The following PRXL2B variants were observed in gnomAD, a reference collection of about 807,000 sequenced individuals.
PRXL2B encodes the protein peroxiredoxin like 2B.
Under a neutral mutation model 24.4 loss-of-function variants are expected in PRXL2B, and 26 were observed. That is an observed-to-expected ratio of 1.07 (90% confidence interval 0.78 to 1.48). The LOEUF (loss-of-function observed/expected upper bound fraction) is 1.48, where lower values mean the gene tolerates loss of function less well. Ranked by LOEUF, PRXL2B falls within the 40% of genes most tolerant of loss-of-function variation. PRXL2B has a pLI of 0.00. For synonymous variants in PRXL2B, 115 were observed against 118.9 expected (o/e 0.97, Z 0.21); for missense variants, 269 against 264.8 (o/e 1.02, Z -0.11).
In PRXL2B at chr1:2,590,867, G is replaced by A; in HGVS notation, c.*1440G>A. ...ACCCTAGGCCAGGCGCAGAGGCCTG[G>A]CAGGCAGGCTTGGCATGGTTGGCCG... is the stretch of plus-strand genomic sequence containing the variant. On this transcript the variant is annotated 3_prime_UTR_variant, in exon 7 of 7. Transcript: ENST00000419916. The A allele has an allele frequency of 1.4e-6, 1 of 723,636 alleles. No homozygotes were observed. Among genetic ancestry groups the A allele is most frequent in the Non-Finnish European group, 2.0e-6 (1 of 495,034 alleles). 44.8% of individuals were successfully genotyped at this position (723,636 alleles called of 1,614,324 possible). A position where few individuals can be genotyped will look rare whatever the true frequency, so the allele number is the denominator to read the frequency against.
chr1:2,590,275 C>G lies in PRXL2B; in HGVS notation c.*848C>G, dbSNP rs2100915232. 6.5e-6 allele frequency: 1 copy of G among 152,688 alleles called. No individual in the cohort carries two copies. Among genetic ancestry groups the G allele is most frequent in the East Asian group, 1.9e-4 (1 of 5,336 alleles). The allele number at this position is 152,688 out of a possible 1,614,324, so 9.5% of individuals were successfully genotyped here. A position where few individuals can be genotyped will look rare whatever the true frequency, so the allele number is the denominator to read the frequency against. ...CTCCCTTCCTGCCCCCAATGCCACCCTTGCAGTGGCCATTTAAAAATGCAT... is the reference window on the plus strand; with the variant it reads ...CTCCCTTCCTGCCCCCAATGCCACCGTTGCAGTGGCCATTTAAAAATGCAT... On this transcript the variant is annotated 3_prime_UTR_variant, in exon 7 of 7. Transcript: ENST00000419916.
In PRXL2B at chr1:2,586,801, C is replaced by A; in HGVS notation, c.-85C>A. Reference sequence around the variant, plus strand: ...CGGGGCTTGGGGCTGGATCTATGAGCCGGGAGCGGGGATCCAGGAGCGAGG... The same window carrying A: ...CGGGGCTTGGGGCTGGATCTATGAGACGGGAGCGGGGATCCAGGAGCGAGG... On this transcript the variant is annotated 5_prime_UTR_variant, in exon 1 of 7. Coordinates refer to ENST00000419916, the MANE Select transcript of PRXL2B (RefSeq NM_152371.5). 1 of 1,261,642 alleles carries A rather than the reference C, an allele frequency of 7.9e-7. No individual in the cohort carries two copies. The highest frequency in any genetic ancestry group is 9.9e-7 in the Non-Finnish European group (1 of 1,005,522). The allele number at this position is 1,261,642 out of a possible 1,614,324, so 78.2% of individuals were successfully genotyped here.
At chr1:2,588,729 C>A in intron 5 of PRXL2B, 104 bp downstream of exon 5, 1 of 1,344,556 alleles carries the variant, frequency 7.4e-7, no homozygotes, top group East Asian at 2.3e-5. Context: ...CATCACAGCC[C>A]CTCCGCCGCA....
At position 2,589,818 on chromosome 1, in the gene PRXL2B, G is replaced by A; in HGVS notation, c.*391G>A. The A allele has an allele frequency of 3.6e-6, 1 of 277,188 alleles. No homozygotes were observed. Among genetic ancestry groups the A allele is most frequent in the Non-Finnish European group, 6.8e-6 (1 of 146,078 alleles). 17.2% of individuals were successfully genotyped at this position (277,188 alleles called of 1,614,324 possible). ...CAGACCCAAGCCCACGTCAGGAGAGGAGCGTGGGGTCAGCTCCAGCAGGGT... is the reference window on the plus strand; with the variant it reads ...CAGACCCAAGCCCACGTCAGGAGAGAAGCGTGGGGTCAGCTCCAGCAGGGT... On this transcript the variant is annotated 3_prime_UTR_variant, in exon 7 of 7. Transcript: ENST00000419916.
chr1:2,589,432 G>A lies in PRXL2B; in HGVS notation c.*5G>A, dbSNP rs1395258416. ...CAGTGTGACAGAGAGGTGTGAGGGA[G>A]GCGAAGGCCCTGGCCTCCGAGGATC... On this transcript the variant is annotated 3_prime_UTR_variant, in exon 7 of 7. Coordinates refer to ENST00000419916, the MANE Select transcript of PRXL2B (RefSeq NM_152371.5). 3 of 1,613,798 alleles carry A rather than the reference G, an allele frequency of 1.9e-6. No homozygotes were observed. The highest frequency in any genetic ancestry group is 2.5e-6 in the Non-Finnish European group (3 of 1,179,900).
In PRXL2B at chr1:2,587,125, C is replaced by T. The variant is rs907939346; in HGVS notation, c.98C>T (p.Ala33Val). ...VELRSLWREH[A>V]CVVAGLRRFG... is the part of the protein sequence containing the mutation. ...CTGCGGAGCCTGTGGCGGGAGCACG[C>T]GTGCGTGGTGGCCGGGCTGCGGCGC... Residue 33 changes from alanine to valine, a missense_variant, in exon 2 of 7, where the codon GCG becomes GTG. Coordinates refer to ENST00000419916, the MANE Select transcript of PRXL2B (RefSeq NM_152371.5). This position sits in a 1 kb window ranked among gnomAD's most constrained non-coding sequence, Gnocchi z 6.1. The T allele has an allele frequency of 1.5e-5, 23 of 1,532,420 alleles. No individual in the cohort carries two copies. In the East Asian group the frequency reaches 3.7e-4, roughly 24 times the overall value. 94.9% of individuals were successfully genotyped at this position (1,532,420 alleles called of 1,614,324 possible). A position where few individuals can be genotyped will look rare whatever the true frequency, so the allele number is the denominator to read the frequency against.
Position 2,591,091 on chromosome 1 carries a change from TGTGG to T in PRXL2B, c.*1676_*1679del, listed in dbSNP as rs756544060. 3.3e-5 allele frequency: 51 copies of T among 1,567,480 alleles called. No homozygotes were observed. In the South Asian group the frequency reaches 3.5e-4, roughly 11 times the overall value. On this transcript the variant is annotated 3_prime_UTR_variant, in exon 7 of 7. Coordinates refer to ENST00000419916, the MANE Select transcript of PRXL2B (RefSeq NM_152371.5). Reference sequence around the variant, plus strand: ...AGGTTCTGCAGCGACCCCAGTACCCTGTGGGTGGGTGGGTGTGACAGCAGGAGCA... The same window carrying T: ...AGGTTCTGCAGCGACCCCAGTACCCTGTGGGTGGGTGTGACAGCAGGAGCA...
chr1:2,586,909 C>T lies in PRXL2B; in HGVS notation c.24C>T (p.Arg8=). The T allele has an allele frequency of 1.5e-6, 2 of 1,310,586 alleles. No homozygotes were observed. The highest frequency in any genetic ancestry group is 1.5e-5 in the African/African-American group (1 of 65,782). The allele number at this position is 1,310,586 out of a possible 1,614,324, so 81.2% of individuals were successfully genotyped here. Residue 8 remains arginine (R), a synonymous_variant, in exon 1 of 7, where the codon CGC becomes CGT. Transcript: ENST00000419916. ...CCATGAGCACGGTGGACCTTGCTCG[C>T]GTGGGCGCGTGCATCCTGAAGCATG... is the stretch of plus-strand genomic sequence containing the variant. MSTVDLA[R]VGACILKHAV...
At position 2,590,917 on chromosome 1, in the gene PRXL2B, G is replaced by A. The variant is rs142443982; in HGVS notation, c.*1490G>A. On this transcript the variant is annotated 3_prime_UTR_variant, in exon 7 of 7. Coordinates refer to ENST00000419916, the MANE Select transcript of PRXL2B (RefSeq NM_152371.5). Reference sequence around the variant, plus strand: ...GGGGCGGGACGTACACTGGGTCGCCGCTAGCTGCACCTTCGCACAGATGCC... The same window carrying A: ...GGGGCGGGACGTACACTGGGTCGCCACTAGCTGCACCTTCGCACAGATGCC... The A allele has an allele frequency of 7.2e-3, 8,703 of 1,202,178 alleles. 43 individuals carry two copies. Among genetic ancestry groups the A allele is most frequent in the Non-Finnish European group, 8.1e-3 (7,406 of 918,066 alleles). 74.5% of individuals were successfully genotyped at this position (1,202,178 alleles called of 1,614,324 possible).
rs760595695 is a variant in PRXL2B, at chr1:2,588,461, C to A, written c.384+8C>A. The A allele has an allele frequency of 8.1e-6, 13 of 1,613,728 alleles. No individual in the cohort carries two copies. The highest frequency in any genetic ancestry group is 1.1e-5 in the Non-Finnish European group (13 of 1,179,910). On this transcript the variant is annotated splice_region_variant and intron_variant, in intron 4 of 6. Coordinates refer to ENST00000419916, the MANE Select transcript of PRXL2B (RefSeq NM_152371.5). ...CGTGATGTGGCTGCCAAGGTGTGTGCGGGTCAAGGGTGTACAGGCCGGGGG... is the reference window on the plus strand; with the variant it reads ...CGTGATGTGGCTGCCAAGGTGTGTGAGGGTCAAGGGTGTACAGGCCGGGGG...
chr1:2,587,851 GCTCCCTGCCACCTCCT>G lies in PRXL2B; in HGVS notation c.320+68_320+83del. 6.6e-7 allele frequency: 1 copy of G among 1,525,904 alleles called. No individual in the cohort carries two copies. The allele number at this position is 1,525,904 out of a possible 1,614,324, so 94.5% of individuals were successfully genotyped here. On this transcript the variant is annotated intron_variant, in intron 3 of 6. Transcript: ENST00000419916. This position sits in a 1 kb window ranked among gnomAD's most constrained non-coding sequence, Gnocchi z 6.1. ...GGTGGGGGGCCCAGGGGTTCCCACC[GCTCCCTGCCACCTCCT>G]CTCCCTGCTGCCCTCTGTGGTGCTG...
In PRXL2B at chr1:2,589,406, A is replaced by C. The variant is rs554575486; in HGVS notation, c.580-4A>C. 4 of 1,613,334 alleles carry C rather than the reference A, an allele frequency of 2.5e-6. No individual in the cohort carries two copies. The highest frequency in any genetic ancestry group is 3.4e-6 in the Non-Finnish European group (4 of 1,179,798). On this transcript the variant is annotated splice_polypyrimidine_tract_variant and splice_region_variant and intron_variant, in intron 6 of 6. Transcript: ENST00000419916. Reference sequence around the variant, plus strand: ...GGCCCCATGGGACCCTGCTGTCCCCACAGTGTGACAGAGAGGTGTGAGGGA... The same window carrying C: ...GGCCCCATGGGACCCTGCTGTCCCCCCAGTGTGACAGAGAGGTGTGAGGGA...
rs1644554288 is a variant in PRXL2B at position 2,587,503 on chromosome 1, G to A, written c.268+208G>A. On this transcript the variant is annotated intron_variant, in intron 2 of 6. Transcript: ENST00000419916. The surrounding 1 kb of genome is among the most constrained non-coding windows in gnomAD (Gnocchi z 6.1). ...GCACAGACCTGGGCCCAGCAGCAGAGTCTGGACGAGCTCTGCCCCGCCGGC... is the reference window on the plus strand; with the variant it reads ...GCACAGACCTGGGCCCAGCAGCAGAATCTGGACGAGCTCTGCCCCGCCGGC... Among the ~76,000 whole-genome samples, 1 of 152,120 alleles carries A rather than the reference G, an allele frequency of 6.6e-6. No individual in the cohort carries two copies. The highest frequency in any genetic ancestry group is 2.4e-5 in the African/African-American group (1 of 41,428).
At position 2,587,654 on chromosome 1, in the gene PRXL2B, C is replaced by T. The variant is rs1557501946; in HGVS notation, c.269-87C>T. ...GAGGGTGGGCAGAGGAACAGAGGGT[C>T]GGAAGGAGGAGGGCGATTCTTTGTG... On this transcript the variant is annotated intron_variant, in intron 2 of 6. Coordinates refer to ENST00000419916, the MANE Select transcript of PRXL2B (RefSeq NM_152371.5). The surrounding 1 kb of genome is among the most constrained non-coding windows in gnomAD (Gnocchi z 6.1). 7 of 1,457,742 alleles carry T rather than the reference C, an allele frequency of 4.8e-6. No individual in the cohort carries two copies. The highest frequency in any genetic ancestry group is 3.7e-5 in the South Asian group (3 of 82,186). The allele number at this position is 1,457,742 out of a possible 1,614,324, so 90.3% of individuals were successfully genotyped here.
rs1017692534 is a variant in PRXL2B, at chr1:2,587,724, T to C, written c.269-17T>C. ...GTTCTGCGCCTGGGGCACACACATGTGGCTTCCGCTTTCCAGAGCTCTACC... is the reference window on the plus strand; with the variant it reads ...GTTCTGCGCCTGGGGCACACACATGCGGCTTCCGCTTTCCAGAGCTCTACC... On this transcript the variant is annotated splice_polypyrimidine_tract_variant and intron_variant, in intron 2 of 6. Coordinates refer to ENST00000419916, the MANE Select transcript of PRXL2B (RefSeq NM_152371.5). The surrounding 1 kb of genome is among the most constrained non-coding windows in gnomAD (Gnocchi z 6.1). The C allele has an allele frequency of 5.5e-5, 87 of 1,576,392 alleles. No homozygotes were observed. The highest frequency in any genetic ancestry group is 7.2e-5 in the Non-Finnish European group (83 of 1,159,882).
rs1447056617 is a variant in PRXL2B at position 2,589,046 on chromosome 1, C to G, written c.579+6C>G. On this transcript the variant is annotated splice_donor_region_variant and intron_variant, in intron 6 of 6. Coordinates refer to ENST00000419916, the MANE Select transcript of PRXL2B (RefSeq NM_152371.5). ...GTGCCAGCGACCCGCCTCAGGTGAG[C>G]TGGGCCTTGGGGGCGCTGCCTGCCA... 1 of 1,612,102 alleles carries G rather than the reference C, an allele frequency of 6.2e-7. No individual in the cohort carries two copies.
Position 2,591,016 on chromosome 1 carries a change from G to A in PRXL2B, c.*1589G>A, listed in dbSNP as rs767853693. On this transcript the variant is annotated 3_prime_UTR_variant, in exon 7 of 7. Transcript: ENST00000419916. ...TACCACACGCGGCATCGCTCCTTGG[G>A]GTGCATGGGGGTGCCCCGGGCACAG... The A allele has an allele frequency of 6.2e-7, 1 of 1,602,842 alleles. No homozygotes were observed. The highest frequency in any genetic ancestry group is 8.5e-7 in the Non-Finnish European group (1 of 1,175,844).
intron 3 of PRXL2B, 126 bp from the exon 4 acceptor site, chr1:2,588,264 T>G (rs1185967738): frequency 7.2e-5 from 91 of 1,261,474 alleles, no homozygotes; most frequent in Non-Finnish European, 9.5e-5. Flanking sequence ...CTGTGCCATC[T>G]CTGAGCCCTG....
Position 2,587,068 on chromosome 1 carries a change from C to A in PRXL2B, c.64-23C>A. On this transcript the variant is annotated intron_variant, in intron 1 of 6. Coordinates refer to ENST00000419916, the MANE Select transcript of PRXL2B (RefSeq NM_152371.5). The surrounding 1 kb of genome is among the most constrained non-coding windows in gnomAD (Gnocchi z 6.1). ...GCGGGGCTGGGGGCAACGGGGCGCG[C>A]CCATGACCCAGCCGCCCGGCAGGCC... 1 of 1,486,462 alleles carries A rather than the reference C, an allele frequency of 6.7e-7. No homozygotes were observed. The highest frequency in any genetic ancestry group is 8.9e-7 in the Non-Finnish European group (1 of 1,126,684). The allele number at this position is 1,486,462 out of a possible 1,614,324, so 92.1% of individuals were successfully genotyped here. A position where few individuals can be genotyped will look rare whatever the true frequency, so the allele number is the denominator to read the frequency against.
Sources: gnomAD v4.1 joint callset for allele counts (sites outside exome capture counted in the v4.1 genomes callset) on GRCh38, gnomAD v4.1.1 for gene constraint, Gnocchi (gnomAD v3.1) non-coding constraint, MANE v1.5 for transcripts, NCBI Gene and HGNC (gene_info 2026-07-23, HGNC 2026-07-21) for gene names.